Variants in CERT1 observed in about 807,000 individuals in gnomAD.
CERT1 encodes ceramide transfer protein.
Under a neutral mutation model 87.9 loss-of-function variants are expected in CERT1, and 31 were observed. The observed-to-expected ratio is 0.35, with a 90% CI of 0.27 to 0.48. The LOEUF (loss-of-function observed/expected upper bound fraction) is 0.48, where lower values mean the gene tolerates loss of function less well. Ranked by LOEUF, CERT1 falls within the 20% of genes least tolerant of loss-of-function variation. CERT1 has a pLI of 0.99. For synonymous variants in CERT1, 289 were observed against 250.9 expected, an observed-to-expected ratio of 1.15 and a Z score of -1.44; for missense variants, 487 against 758.0, an observed-to-expected ratio of 0.64 and a Z score of 4.20.
chr5:75,433,398 G>T (rs1013059672), intron 3 of CERT1, among the ~76,000 whole-genome samples: 3 of 152,140 alleles, frequency 2.0e-5, no homozygotes, highest in Non-Finnish European at 4.4e-5. Context: ...TCATTGTAGA[G>T]ATCTTTAACA....
chr5:75,476,881 AG>A (rs1242028086), intron 2 of CERT1, among the ~76,000 whole-genome samples: 1 of 152,164 alleles, frequency 6.6e-6, no homozygotes, highest in African/African-American at 2.4e-5. Context: ...TCAAAAGTCA[AG>A]GGGAAAAGAC....
chr5:75,380,962 T>C lies in CERT1; in HGVS notation c.1747+110A>G, dbSNP rs1219001043. 6 of 1,135,844 alleles carry C rather than the reference T, an allele frequency of 5.3e-6. No individual in the cohort carries two copies. The African/African-American group carries it at 7.8e-5, about 15-fold the overall frequency. 70.4% of individuals were successfully genotyped at this position (1,135,844 alleles called of 1,614,324 possible). A position where few individuals can be genotyped will look rare whatever the true frequency, so the allele number is the denominator to read the frequency against. ...ATATACCTTTCTCCAAATTAAAAATTAGTAATCTAATGGATAAGAACTAAA... is the reference window on the plus strand; with the variant it reads ...ATATACCTTTCTCCAAATTAAAAATCAGTAATCTAATGGATAAGAACTAAA... On this transcript the variant is annotated intron_variant, in intron 16 of 16. Coordinates refer to ENST00000643780, the MANE Select transcript of CERT1 (RefSeq NM_001379029.1).
chr5:75,391,138 G>T (rs1465047886), intron 11 of CERT1, among the ~76,000 whole-genome samples: 1 of 152,088 alleles, frequency 6.6e-6, no homozygotes, highest in Non-Finnish European at 1.5e-5. Flanking sequence ...TTAATTTTTT[G>T]TAGAGACAGG....
intron 6 of CERT1, among the ~76,000 whole-genome samples, chr5:75,418,514 T>A (rs1763237447): frequency 1.3e-5 from 2 of 152,130 alleles, no homozygotes; most frequent in Non-Finnish European, 2.9e-5. Context: ...TACAATAAAT[T>A]TCCATGAATA....
intron 1 of CERT1, 140 bp from the exon 2 acceptor site, chr5:75,506,256 A>C (rs1307385643): frequency 3.2e-6 from 2 of 624,150 alleles, no homozygotes; most frequent in Non-Finnish European, 5.1e-6. Context: ...TAAACAGTAA[A>C]ATGATTACAA....
In CERT1 at chr5:75,379,098, G is replaced by GT. The variant is rs1212407212; in HGVS notation, c.*247dup. ...CTGGGAAGGCTGAGATGAGAGGATT[G>GT]TTTGAGGCCAGAGGTTGAGGTTGCA... On this transcript the variant is annotated 3_prime_UTR_variant, in exon 17 of 17. Coordinates refer to ENST00000643780, the MANE Select transcript of CERT1 (RefSeq NM_001379029.1). The GT allele has an allele frequency of 1.1e-5, 4 of 365,262 alleles. No homozygotes were observed. Among genetic ancestry groups the GT allele is most frequent in the Non-Finnish European group, 2.0e-5 (4 of 200,932 alleles). 22.6% of individuals were successfully genotyped at this position (365,262 alleles called of 1,614,324 possible). A position where few individuals can be genotyped will look rare whatever the true frequency, so the allele number is the denominator to read the frequency against.
intron 8 of CERT1, among the ~76,000 whole-genome samples, chr5:75,404,114 A>G (rs1027632497): frequency 6.6e-6 from 1 of 152,136 alleles, no homozygotes; most frequent in African/African-American, 2.4e-5. Context: ...CCAAGTCATC[A>G]TTAGTCCATT....
At chr5:75,445,250 G>C (rs573686374) in intron 3 of CERT1, among the ~76,000 whole-genome samples, 1 of 152,130 alleles carries the variant, frequency 6.6e-6, no homozygotes, top group Non-Finnish European at 1.5e-5. Flanking sequence ...ATTACAAACT[G>C]TTATTACAAT....
chr5:75,485,168 A>G (rs1048078549), intron 2 of CERT1, among the ~76,000 whole-genome samples: 1 of 152,144 alleles, frequency 6.6e-6, no homozygotes, highest in Non-Finnish European at 1.5e-5. Context: ...AATAAAACAC[A>G]CAAAAACATA....
chr5:75,374,504 C>T, downstream of CERT1: 1 of 720,422 alleles, frequency 1.4e-6, no homozygotes, highest in South Asian at 1.4e-5. Flanking sequence ...CCAAAAAGGG[C>T]CACAGCCACG....
intron 3 of CERT1, among the ~76,000 whole-genome samples, chr5:75,448,353 T>C (rs1764640131): frequency 6.6e-6 from 1 of 152,144 alleles, no homozygotes; most frequent in South Asian, 2.1e-4. Context: ...GACTGAAAAA[T>C]GATAGAACTG....
chr5:75,425,585 G>C (rs1336937907), intron 4 of CERT1, 86 bp from the exon 5 acceptor site: 1 of 1,328,632 alleles, frequency 7.5e-7, no homozygotes, highest in Non-Finnish European at 1.0e-6. Context: ...CAACTTTTAA[G>C]GTCTGCACCT....
chr5:75,398,624 C>T (rs933228696), intron 11 of CERT1, among the ~76,000 whole-genome samples: 3 of 152,064 alleles, frequency 2.0e-5, no homozygotes, highest in Admixed American at 1.3e-4. Flanking sequence ...AAAGAACTAA[C>T]GCTGACACTA....
chr5:75,432,059 T>C (rs1459825532), intron 3 of CERT1, among the ~76,000 whole-genome samples: 8 of 146,832 alleles, frequency 5.4e-5, no homozygotes, highest in African/African-American at 2.0e-4. Flanking sequence ...CCCCCCCCCT[T>C]TTTTTTTTTT....
At chr5:75,446,948 G>C (rs1764564144) in intron 3 of CERT1, among the ~76,000 whole-genome samples, 2 of 152,118 alleles carry the variant, frequency 1.3e-5, no homozygotes, top group African/African-American at 4.8e-5. Flanking sequence ...CAACAATAAT[G>C]GTCACCCACC....
intron 16 of CERT1, 86 bp downstream of exon 16, chr5:75,380,986 A>C: frequency 7.1e-7 from 1 of 1,411,088 alleles, no homozygotes; most frequent in African/African-American, 1.4e-5. Flanking sequence ...ATAAGAACTA[A>C]AAAGGCATTT....
At chr5:75,423,819 C>T (rs1763489071) in intron 5 of CERT1, among the ~76,000 whole-genome samples, 1 of 151,912 alleles carries the variant, frequency 6.6e-6, no homozygotes, top group Admixed American at 6.6e-5. Flanking sequence ...ATAACAAAAC[C>T]ACGAGTTATA....
At chr5:75,479,914 TGTAA>T (rs1246693988) in intron 2 of CERT1, among the ~76,000 whole-genome samples, 4 of 152,216 alleles carry the variant, frequency 2.6e-5, no homozygotes, top group Middle Eastern at 3.2e-3. Context: ...ACCAACAGTA[TGTAA>T]GTGTTACCTT....
intron 10 of CERT1, among the ~76,000 whole-genome samples, chr5:75,399,694 C>T (rs907786128): frequency 2.0e-5 from 3 of 152,126 alleles, no homozygotes; most frequent in African/African-American, 4.8e-5. Context: ...TTTGCCCACC[C>T]CCAACTTTCC....
Sources: allele counts gnomAD v4.1 joint callset (sites outside exome capture counted in the v4.1 genomes callset), GRCh38; gene constraint gnomAD v4.1.1; transcripts MANE v1.5; gene names NCBI Gene and HGNC (gene_info 2026-07-23, HGNC 2026-07-21).